The following MCCC1 variants were observed in gnomAD, a reference collection of about 807,000 sequenced individuals.
MCCC1 encodes the protein methylcrotonoyl-CoA carboxylase subunit alpha, mitochondrial.
MCCC1 carries 64 observed loss-of-function variants against 83.8 expected under a neutral mutation model. That is an observed-to-expected ratio of 0.76 (90% CI 0.62 to 0.94). MCCC1 has a LOEUF of 0.94. Ranked by LOEUF, MCCC1 falls within the 40% of genes least tolerant of loss-of-function variation. The pLI, the probability that MCCC1 is intolerant of heterozygous loss-of-function variation, is 0.00. For synonymous variants in MCCC1, 322 were observed against 315.4 expected (o/e 1.02, Z -0.22); for missense variants, 807 against 904.7 (o/e 0.89, Z 1.39).
chr3:183,104,084 C>A (rs1171727396), upstream of MCCC1, among the ~76,000 whole-genome samples: 1 of 152,196 alleles, frequency 6.6e-6, no homozygotes, highest in Admixed American at 6.5e-5. Flanking sequence ...CTCCAGCTGG[C>A]CCGCAAGCGC....
chr3:183,093,662 T>A (rs983728000), intron 2 of MCCC1, among the ~76,000 whole-genome samples: 10 of 146,922 alleles, frequency 6.8e-5, no homozygotes, highest in East Asian at 5.9e-4. Context: ...TTTCTCCTTT[T>A]AAAAAAAAAA....
At chr3:183,044,428 C>T (rs1714364001) in intron 10 of MCCC1, among the ~76,000 whole-genome samples, 1 of 152,198 alleles carries the variant, frequency 6.6e-6, no homozygotes, top group Non-Finnish European at 1.5e-5. Context: ...GTAGGCATGT[C>T]ATAGCAATGC....
intron 4 of MCCC1, among the ~76,000 whole-genome samples, chr3:183,084,676 C>T (rs1245798996): frequency 2.0e-5 from 3 of 152,154 alleles, no homozygotes; most frequent in African/African-American, 7.2e-5. Context: ...AATCCCAACA[C>T]TTTGGGAGGC....
chr3:183,063,713 C>A (rs1002711450), intron 7 of MCCC1, among the ~76,000 whole-genome samples: 1 of 152,100 alleles, frequency 6.6e-6, no homozygotes, highest in South Asian at 2.1e-4. Context: ...TGGATCAGGA[C>A]CCCCGTCTGG....
intron 1 of MCCC1, among the ~76,000 whole-genome samples, chr3:183,108,983 G>T (rs968050340): frequency 6.6e-6 from 1 of 151,926 alleles, no homozygotes; most frequent in Non-Finnish European, 1.5e-5. Context: ...GGGGTTTTTT[G>T]TTTGTTTGTT....
intron 1 of MCCC1, among the ~76,000 whole-genome samples, chr3:183,107,536 TGTTG>T (rs1192480055): frequency 1.4e-5 from 2 of 147,248 alleles, no homozygotes; most frequent in African/African-American, 5.2e-5. Flanking sequence ...TATTATTATT[TGTTG>T]TTGTTGTTGT....
intron 13 of MCCC1, among the ~76,000 whole-genome samples, chr3:183,036,953 G>A (rs550006174): frequency 9.0e-4 from 137 of 152,232 alleles, no homozygotes; most frequent in African/African-American, 3.2e-3. Context: ...GATTACAGAC[G>A]TGAGCCACCG....
At chr3:183,094,761 C>G (rs1024509074) in intron 1 of MCCC1, among the ~76,000 whole-genome samples, 156 bp from the exon 2 acceptor site, 3 of 152,166 alleles carry the variant, frequency 2.0e-5, no homozygotes, top group Admixed American at 6.5e-5. Flanking sequence ...ATCTAGAACT[C>G]AAGAGTTAGA....
intron 1 of MCCC1, among the ~76,000 whole-genome samples, chr3:183,104,572 C>G (rs1388168242): frequency 6.6e-6 from 1 of 152,180 alleles, no homozygotes; most frequent in African/African-American, 2.4e-5. Context: ...TTTTGCAACT[C>G]TTATCACAGA....
rs142811110 is a variant in MCCC1 at position 183,076,950 on chromosome 3, A to G, written c.370-4463T>C. Among the ~76,000 whole-genome samples the G allele has an allele frequency of 4.6e-3, 704 of 152,332 alleles. 2 individuals carry two copies. The highest frequency in any genetic ancestry group is 0.016 in the African/African-American group (670 of 41,566). ...ATCTACTGTCTCTATAGATTTACCTATATGAACATTTCATATAAATGGAAT... is the reference window on the plus strand; with the variant it reads ...ATCTACTGTCTCTATAGATTTACCTGTATGAACATTTCATATAAATGGAAT... On this transcript the variant is annotated intron_variant, in intron 4 of 18. Transcript: ENST00000265594.
intron 8 of MCCC1, among the ~76,000 whole-genome samples, chr3:183,056,371 C>T (rs1039478573): frequency 1.1e-4 from 16 of 152,006 alleles, no homozygotes; most frequent in South Asian, 2.1e-4. Flanking sequence ...ATCTATATAA[C>T]GTTGAACAAG....
At chr3:183,060,830 T>A (rs1230115203) in intron 7 of MCCC1, among the ~76,000 whole-genome samples, 4 of 2,356 alleles carry the variant, frequency 1.7e-3, no homozygotes, top group Admixed American at 0.013. Context: ...CGGTGTTCCG[T>A]TTTTTTGTCC....
Position 183,099,388 on chromosome 3 carries a change from C to A in MCCC1, c.53G>T (p.Arg18Leu). 1.2e-6 allele frequency: 2 copies of A among 1,604,662 alleles called. No homozygotes were observed. Among genetic ancestry groups the A allele is most frequent in the Admixed American group, 1.7e-5 (1 of 59,310 alleles). ...GAGCAGGCTCGGGAGACGATGCCAC[C>A]GGTTCCTCTCCGCCGCCACCAGCAG... ...SVLLVAAERN[R>L]WHRLPSLLLP... Residue 18 changes from arginine to leucine, a missense_variant, in exon 1 of 19, where the codon CGG (arginine) becomes CTG (leucine). Transcript: ENST00000265594.
intron 7 of MCCC1, among the ~76,000 whole-genome samples, chr3:183,066,494 AG>A (rs1716268503): frequency 6.6e-6 from 1 of 152,092 alleles, no homozygotes; most frequent in South Asian, 2.1e-4. Flanking sequence ...TATTACAGAC[AG>A]GGTTTCACCA....
At chr3:183,104,108 G>A (rs1357027176), upstream of MCCC1, among the ~76,000 whole-genome samples, 1 of 152,156 alleles carries the variant, frequency 6.6e-6, no homozygotes, top group Non-Finnish European at 1.5e-5. Context: ...GCGCAGCCCC[G>A]GTTCCCGCTC....
intron 3 of MCCC1, among the ~76,000 whole-genome samples, chr3:183,089,338 C>G (rs1266954059): frequency 6.6e-6 from 1 of 152,098 alleles, no homozygotes; most frequent in Non-Finnish European, 1.5e-5. Flanking sequence ...ACTTAGGAGG[C>G]TGCAGCATTT....
chr3:183,069,126 A>T (rs1716463969), intron 7 of MCCC1, among the ~76,000 whole-genome samples: 2 of 152,216 alleles, frequency 1.3e-5, no homozygotes, highest in South Asian at 4.1e-4. Flanking sequence ...TAGTTCAAAA[A>T]ATATTACTGA....
intron 8 of MCCC1, among the ~76,000 whole-genome samples, chr3:183,057,061 T>A (rs1715476112): frequency 6.6e-6 from 1 of 152,172 alleles, no homozygotes; most frequent in Admixed American, 6.5e-5. Context: ...ATCAGATAGG[T>A]GAATCAGAGT....
chr3:183,040,280 A>G (rs1713968811), intron 11 of MCCC1, among the ~76,000 whole-genome samples: 3 of 152,006 alleles, frequency 2.0e-5, no homozygotes, highest in African/African-American at 7.2e-5. Flanking sequence ...CTTTTAGGAC[A>G]CTAGGATTTG....
Sources: gnomAD v4.1 joint callset for allele counts (sites outside exome capture counted in the v4.1 genomes callset) on GRCh38, gnomAD v4.1.1 for gene constraint, MANE v1.5 for transcripts, NCBI Gene and HGNC (gene_info 2026-07-23, HGNC 2026-07-21) for gene names.